TJP2: variants seen among roughly 807,000 people sequenced by gnomAD.
TJP2 encodes tight junction protein 2.
In TJP2, 91 loss-of-function variants were observed where a neutral mutation model predicts 133.1. The observed-to-expected ratio is 0.68, with a 90% CI of 0.58 to 0.81. The LOEUF (loss-of-function observed/expected upper bound fraction) is 0.81. Among genes scored for constraint, TJP2 ranks in the 40% least tolerant of loss-of-function variants. The pLI, the probability that TJP2 is intolerant of heterozygous loss-of-function variation, is 0.00. For missense variants in TJP2, 1,541 were observed against 1,565.6 expected, an observed-to-expected ratio of 0.98 and a Z score of 0.26; for synonymous variants, 592 against 583.4, an observed-to-expected ratio of 1.01 and a Z score of -0.21.
At chr9:69,140,447 C>T (rs1215794795) in intron 1 of TJP2, among the ~76,000 whole-genome samples, 3 of 152,182 alleles carry the variant, frequency 2.0e-5, no homozygotes, top group Non-Finnish European at 4.4e-5. Context: ...CCAATTCATG[C>T]TACAGAGTGG....
intron 1 of TJP2, among the ~76,000 whole-genome samples, chr9:69,183,297 T>G (rs976641356): frequency 7.9e-5 from 12 of 152,208 alleles, no homozygotes. Flanking sequence ...ACTAGAATTT[T>G]CCATCACTCT....
chr9:69,216,439 G>T lies in TJP2; in HGVS notation c.215G>T (p.Gly72Val). 4.3e-6 allele frequency: 7 copies of T among 1,614,154 alleles called. No individual in the cohort carries two copies. Among genetic ancestry groups the T allele is most frequent in the Non-Finnish European group, 5.9e-6 (7 of 1,180,044 alleles). The change falls in exon 3 of 23, where the codon GGT becomes GTT. Residue 72 changes from glycine to valine, a missense_variant. Coordinates refer to ENST00000377245, the MANE Select transcript of TJP2 (RefSeq NM_004817.4). Reference sequence around the variant, plus strand: ...ATTGTCATTTCTGATGTGCTCCCGGGTGGGCCTGCTGATGGGCTGCTCCAG... The same window carrying T: ...ATTGTCATTTCTGATGTGCTCCCGGTTGGGCCTGCTGATGGGCTGCTCCAG... ...TSIVISDVLP[G>V]GPADGLLQEN...
intron 15 of TJP2, 112 bp from the exon 16 acceptor site, chr9:69,238,598 G>A: frequency 1.2e-6 from 1 of 848,268 alleles, no homozygotes; most frequent in South Asian, 1.4e-5. Flanking sequence ...ACTGAATCTT[G>A]TTAGGAGACA....
At chr9:69,199,261 C>T (rs554783261) in intron 1 of TJP2, among the ~76,000 whole-genome samples, 5 of 152,192 alleles carry the variant, frequency 3.3e-5, no homozygotes, top group East Asian at 3.9e-4. Flanking sequence ...GGGGGCTGAA[C>T]GTGGTGGCTC....
chr9:69,134,219 G>A (rs980763100), intron 1 of TJP2, among the ~76,000 whole-genome samples: 1 of 152,210 alleles, frequency 6.6e-6, no homozygotes, highest in Non-Finnish European at 1.5e-5. Flanking sequence ...TGAGTGTGGA[G>A]TTGGACTGGA....
Position 69,124,131 on chromosome 9 carries a change from C to T in TJP2, c.-131+2406C>T, listed in dbSNP as rs569457870. Among the ~76,000 whole-genome samples the T allele has an allele frequency of 3.5e-3, 266 of 75,416 alleles. 99 individuals are homozygous for T. The highest frequency in any genetic ancestry group is 0.011 in the African/African-American group (261 of 24,634). 49.5% of individuals were successfully genotyped at this position (75,416 alleles called of 152,430 possible). Reference sequence around the variant, plus strand: ...TCCTGACCTCGTGATCCGCCCACCTCGGCCTTCCAAAGTGCTGGGATTACA... The same window carrying T: ...TCCTGACCTCGTGATCCGCCCACCTTGGCCTTCCAAAGTGCTGGGATTACA... On this transcript the variant is annotated intron_variant, in intron 1 of 5. Coordinates refer to the TJP2 transcript ENST00000423935.
At chr9:69,210,914 G>C (rs1827856723) in intron 1 of TJP2, among the ~76,000 whole-genome samples, 1 of 152,058 alleles carries the variant, frequency 6.6e-6, no homozygotes, top group Non-Finnish European at 1.5e-5. Flanking sequence ...TTTTTGTAGA[G>C]ATGGGGTCTC....
chr9:69,210,618 A>C (rs1399014204), intron 1 of TJP2, among the ~76,000 whole-genome samples: 3 of 152,106 alleles, frequency 2.0e-5, no homozygotes, highest in Admixed American at 1.3e-4. Flanking sequence ...GCCTTCATTT[A>C]ATCTAAATCT....
chr9:69,224,784 C>CT (rs930424050), intron 5 of TJP2, among the ~76,000 whole-genome samples: 20 of 151,574 alleles, frequency 1.3e-4, no homozygotes, highest in South Asian at 4.2e-4. Flanking sequence ...TTTCCTCCTC[C>CT]TTTTTTTTTC....
At chr9:69,135,698 C>T (rs140059985) in intron 1 of TJP2, among the ~76,000 whole-genome samples, 3,426 of 152,134 alleles carry the variant, frequency 0.023, 61 homozygotes, top group Non-Finnish European at 0.034. Context: ...CTCCACCTCC[C>T]GGGTTCAAGC....
At chr9:69,203,905 G>A (rs11145663) in intron 1 of TJP2, among the ~76,000 whole-genome samples, 1 of 152,078 alleles carries the variant, frequency 6.6e-6, no homozygotes, top group East Asian at 1.9e-4. Context: ...GAGTGACTGC[G>A]CCTGGCAAAG....
chr9:69,223,570 G>C (rs1165206045), intron 5 of TJP2, among the ~76,000 whole-genome samples: 1 of 152,230 alleles, frequency 6.6e-6, no homozygotes, highest in Non-Finnish European at 1.5e-5. Context: ...GCCTCCCGAA[G>C]TGCTGGGATT....
intron 2 of TJP2, among the ~76,000 whole-genome samples, chr9:69,162,012 C>G (rs1202907431): frequency 6.7e-6 from 1 of 149,440 alleles, no homozygotes; most frequent in Non-Finnish European, 1.5e-5. Context: ...CCATGGTACT[C>G]CAGTCTGGGT....
intron 16 of TJP2, among the ~76,000 whole-genome samples, 194 bp downstream of exon 16, chr9:69,238,983 T>G (rs1289421063): frequency 6.6e-6 from 1 of 150,708 alleles, no homozygotes; most frequent in Non-Finnish European, 1.5e-5. Context: ...AGGTCAGGAG[T>G]TCGAGACCAG....
rs537958981 is a variant in TJP2 at position 69,223,497 on chromosome 9, C to A, written c.953-1807C>A. On this transcript the variant is annotated intron_variant, in intron 5 of 22. Coordinates refer to ENST00000377245, the MANE Select transcript of TJP2 (RefSeq NM_004817.4). Reference sequence around the variant, plus strand: ...TAATTTTTTGTGTTTTAAGTAGAGACGGGGTTTCACCGTGTTAGCCAGGAT... The same window carrying A: ...TAATTTTTTGTGTTTTAAGTAGAGAAGGGGTTTCACCGTGTTAGCCAGGAT... Among the ~76,000 whole-genome samples, 26 of 152,210 alleles carry A rather than the reference C, an allele frequency of 1.7e-4. 1 individual carries two copies. In the South Asian group the frequency reaches 5.4e-3, roughly 32 times the overall value.
intron 1 of TJP2, among the ~76,000 whole-genome samples, chr9:69,209,332 C>G (rs912143801): frequency 6.6e-6 from 1 of 152,006 alleles, no homozygotes; most frequent in Non-Finnish European, 1.5e-5. Flanking sequence ...TAGGGTTTCA[C>G]CATGTTGGCC....
chr9:69,130,242 G>A (rs1255712224), intron 1 of TJP2, among the ~76,000 whole-genome samples: 1 of 152,020 alleles, frequency 6.6e-6, no homozygotes, highest in Admixed American at 6.6e-5. Context: ...GCTATAACCT[G>A]ACCTCAGGTT....
intron 19 of TJP2, 24 bp from the exon 20 acceptor site, chr9:69,249,351 T>C: frequency 6.3e-7 from 1 of 1,589,542 alleles, no homozygotes; most frequent in Non-Finnish European, 8.6e-7. Flanking sequence ...GTTCTTGTTG[T>C]GAATGAACCT....
chr9:69,182,233 C>T (rs1825565423), intron 1 of TJP2, among the ~76,000 whole-genome samples: 2 of 152,156 alleles, frequency 1.3e-5, no homozygotes, highest in Non-Finnish European at 2.9e-5. Context: ...ACTTTGCCTT[C>T]CTTGGGCTGG....
Sources: allele counts gnomAD v4.1 joint callset (sites outside exome capture counted in the v4.1 genomes callset), GRCh38; gene constraint gnomAD v4.1.1; transcripts MANE v1.5; gene names NCBI Gene and HGNC (gene_info 2026-07-23, HGNC 2026-07-21).